The following EPHA6 variants were observed in gnomAD, a reference collection of about 807,000 sequenced individuals.
EPHA6 encodes EPH receptor A6, also known as ephrin type-A receptor 6.
In EPHA6, 50 loss-of-function variants were observed where a neutral mutation model predicts 112.0. The ratio of observed to expected loss-of-function variants is 0.45; its 90% CI spans 0.36 to 0.56. The LOEUF (loss-of-function observed/expected upper bound fraction) is 0.56. Among genes scored for constraint, EPHA6 ranks in the 20% least tolerant of loss-of-function variants. EPHA6 has a pLI of 0.00. For missense variants in EPHA6, 1,280 were observed against 1,417.4 expected (o/e 0.90, Z 1.56); for synonymous variants, 529 against 490.7 (o/e 1.08, Z -1.03).
At chr3:96,896,279 C>T (rs1027936096) in intron 2 of EPHA6, among the ~76,000 whole-genome samples, 1 of 152,084 alleles carries the variant, frequency 6.6e-6, no homozygotes, top group African/African-American at 2.4e-5. Flanking sequence ...ATGTAATTTT[C>T]ATTTATGCTT....
chr3:97,303,173 T>C (rs1441586907), intron 5 of EPHA6, among the ~76,000 whole-genome samples: 1 of 151,984 alleles, frequency 6.6e-6, no homozygotes, highest in East Asian at 1.9e-4. Context: ...ATTTCAATGA[T>C]TTTAATGTTA....
At chr3:97,662,266 A>T (rs1182302417) in intron 14 of EPHA6, among the ~76,000 whole-genome samples, 3 of 152,216 alleles carry the variant, frequency 2.0e-5, no homozygotes, top group African/African-American at 7.2e-5. Flanking sequence ...ATTTTTAGTA[A>T]ATGTTAATTT....
At chr3:97,591,495 G>A (rs1269738775) in intron 11 of EPHA6, among the ~76,000 whole-genome samples, 3 of 152,054 alleles carry the variant, frequency 2.0e-5, no homozygotes, top group Non-Finnish European at 2.9e-5. Flanking sequence ...GCAGCCTGAG[G>A]CATTTCAGAG....
chr3:97,301,114 G>A (rs2081073401), intron 5 of EPHA6, among the ~76,000 whole-genome samples: 1 of 152,112 alleles, frequency 6.6e-6, no homozygotes, highest in Admixed American at 6.6e-5. Flanking sequence ...TCCTGGCAAT[G>A]ATCACTTGTG....
intron 14 of EPHA6, among the ~76,000 whole-genome samples, chr3:97,670,928 C>T (rs762446542): frequency 3.9e-5 from 6 of 152,112 alleles, no homozygotes; most frequent in Non-Finnish European, 8.8e-5. Context: ...TTTCACTCAT[C>T]GGATCTAGGA....
chr3:97,145,596 C>A (rs2076024687), intron 3 of EPHA6, among the ~76,000 whole-genome samples: 1 of 149,820 alleles, frequency 6.7e-6, no homozygotes, highest in African/African-American at 2.4e-5. Context: ...TATTTTACTA[C>A]TTCTTATTTT....
intron 3 of EPHA6, among the ~76,000 whole-genome samples, chr3:97,076,152 G>A (rs187388829): frequency 5.8e-4 from 89 of 152,272 alleles, no homozygotes; most frequent in African/African-American, 2.1e-3. Flanking sequence ...TAGGCTTAAT[G>A]AGGAAGGCAT....
intron 10 of EPHA6, among the ~76,000 whole-genome samples, chr3:97,531,662 G>T (rs999824103): frequency 2.6e-5 from 4 of 152,174 alleles, no homozygotes; most frequent in East Asian, 3.9e-4. Flanking sequence ...TGAGAACAGA[G>T]ACCAAGTCTT....
intron 2 of EPHA6, among the ~76,000 whole-genome samples, chr3:96,918,729 T>G (rs1559830562): frequency 6.6e-6 from 1 of 152,076 alleles, no homozygotes; most frequent in Non-Finnish European, 1.5e-5. Flanking sequence ...TATAACTATT[T>G]TTTTTAAATG....
Position 97,542,975 on chromosome 3 carries a change from A to C in EPHA6, c.2386+10432A>C, listed in dbSNP as rs189112593. Among the ~76,000 whole-genome samples, 525 of 152,068 alleles carry C rather than the reference A, an allele frequency of 3.5e-3. 5 individuals are homozygous for C. The highest frequency in any genetic ancestry group is 0.012 in the African/African-American group (492 of 41,470). ...TTTTCTTGTAAATTTGTTTGAGTTC[A>C]TTGTAGATTCTGGATATTAGCCTTT... On this transcript the variant is annotated intron_variant, in intron 11 of 17. Transcript: ENST00000389672.
chr3:97,403,377 T>C (rs1015118421), intron 5 of EPHA6, among the ~76,000 whole-genome samples: 2 of 152,194 alleles, frequency 1.3e-5, no homozygotes, highest in Non-Finnish European at 2.9e-5. Context: ...TCTTGGAGGC[T>C]ATGTCTCCAA....
At chr3:97,164,953 A>T (rs1488134972) in intron 3 of EPHA6, among the ~76,000 whole-genome samples, 1 of 152,088 alleles carries the variant, frequency 6.6e-6, no homozygotes, top group Non-Finnish European at 1.5e-5. Flanking sequence ...GTAAGAACAG[A>T]ATTCTTATCA....
At chr3:97,075,088 T>C (rs2046474451) in intron 3 of EPHA6, among the ~76,000 whole-genome samples, 1 of 151,924 alleles carries the variant, frequency 6.6e-6, no homozygotes, top group Non-Finnish European at 1.5e-5. Flanking sequence ...TTGCAGCTTC[T>C]TGCAAAACAA....
intron 2 of EPHA6, among the ~76,000 whole-genome samples, chr3:96,954,078 T>C (rs2041661976): frequency 6.6e-6 from 1 of 152,056 alleles, no homozygotes; most frequent in South Asian, 2.1e-4. Flanking sequence ...CTTGCTGTGT[T>C]GCCTAGGCTG....
intron 2 of EPHA6, among the ~76,000 whole-genome samples, chr3:96,940,575 G>A (rs1018545510): frequency 2.6e-5 from 4 of 152,072 alleles, no homozygotes; most frequent in East Asian, 1.9e-4. Context: ...GTGTCTTTTA[G>A]TTGGAGCATT....
chr3:96,814,845 C>T lies in EPHA6; in HGVS notation c.222C>T (p.Asn74=). The part of the protein sequence containing the change: ...DVDKDPHPTQ[N]TCLRCRHFSL... Reference sequence around the variant, plus strand: ...ACAAGGACCCCCATCCTACCCAGAACACCTGCCTGCGCTGCCGCCACTTCT... The same window carrying T: ...ACAAGGACCCCCATCCTACCCAGAATACCTGCCTGCGCTGCCGCCACTTCT... Residue 74 remains asparagine (N), a synonymous_variant, in exon 1 of 18, where the codon AAC becomes AAT. Coordinates refer to ENST00000389672, the MANE Select transcript of EPHA6 (RefSeq NM_001080448.3). 3.8e-6 allele frequency: 6 copies of T among 1,570,544 alleles called. No homozygotes were observed. The highest frequency in any genetic ancestry group is 4.3e-6 in the Non-Finnish European group (5 of 1,157,712).
chr3:97,194,989 G>A (rs1227283196), intron 3 of EPHA6, among the ~76,000 whole-genome samples: 1 of 151,762 alleles, frequency 6.6e-6, no homozygotes, highest in Non-Finnish European at 1.5e-5. Flanking sequence ...TATATGATTG[G>A]GTCTCATTTT....
chr3:97,546,320 A>G (rs903932944), intron 11 of EPHA6, among the ~76,000 whole-genome samples: 1 of 152,162 alleles, frequency 6.6e-6, no homozygotes, highest in Non-Finnish European at 1.5e-5. Context: ...TCCTTCACTT[A>G]TGAAGCTTAG....
At chr3:96,951,193 C>A (rs1021754855) in intron 2 of EPHA6, among the ~76,000 whole-genome samples, 1 of 152,034 alleles carries the variant, frequency 6.6e-6, no homozygotes, top group Admixed American at 6.6e-5. Flanking sequence ...CAGAGACTAG[C>A]CCATAGTCTA....
Sources: allele counts gnomAD v4.1 joint callset (sites outside exome capture counted in the v4.1 genomes callset), GRCh38; gene constraint gnomAD v4.1.1; transcripts MANE v1.5; gene names NCBI Gene and HGNC (gene_info 2026-07-23, HGNC 2026-07-21).